The following SHANK2 variants were observed in gnomAD, a reference collection of about 807,000 sequenced individuals.
SHANK2 encodes the protein SH3 and multiple ankyrin repeat domains 2.
SHANK2 carries 43 observed loss-of-function variants against 133.7 expected under a neutral mutation model. The observed-to-expected ratio is 0.32, with a 90% confidence interval of 0.25 to 0.41. The LOEUF (loss-of-function observed/expected upper bound fraction) is 0.41, where lower values mean the gene tolerates loss of function less well. Ranked by LOEUF, SHANK2 falls within the 10% of genes least tolerant of loss-of-function variation. SHANK2 has a pLI of 1.00. For missense variants in SHANK2, 1,994 were observed against 2,235.8 expected, an observed-to-expected ratio of 0.89 and a Z score of 2.18; for synonymous variants, 1,017 against 952.8, an observed-to-expected ratio of 1.07 and a Z score of -1.24.
chr11:70,489,503 G>T, intron 23 of SHANK2, 155 bp from the exon 24 acceptor site: 2 of 769,644 alleles, frequency 2.6e-6, no homozygotes, highest in Non-Finnish European at 4.7e-6. Flanking sequence ...ATCCACCTGA[G>T]ACTCACAAGC....
At chr11:70,631,298 A>C (rs368284290) in intron 17 of SHANK2, 7 of 151,478 alleles carry the variant, frequency 4.6e-5, no homozygotes, top group African/African-American at 1.7e-4. Flanking sequence ...ACAACTTAGA[A>C]TTGTACAAGT....
chr11:71,059,808 C>T (rs954627653), intron 9 of SHANK2, among the ~76,000 whole-genome samples: 4 of 152,200 alleles, frequency 2.6e-5, no homozygotes, highest in Non-Finnish European at 4.4e-5. Flanking sequence ...CCTGGGGCCT[C>T]GGTGACTGTG....
intron 14 of SHANK2, among the ~76,000 whole-genome samples, chr11:70,797,564 C>T (rs1453474915): frequency 6.6e-6 from 1 of 152,144 alleles, no homozygotes; most frequent in Non-Finnish European, 1.5e-5. Context: ...GCCTGGCTGG[C>T]CCTGGCAGAT....
At chr11:71,133,233 GATGA>G (rs1226250314) in intron 3 of SHANK2, among the ~76,000 whole-genome samples, 31 of 143,232 alleles carry the variant, frequency 2.2e-4, no homozygotes, top group Admixed American at 1.8e-3. Flanking sequence ...TGGATGCACA[GATGA>G]ATGGATGGAT....
At chr11:71,137,162 C>T (rs1402073979) in intron 3 of SHANK2, among the ~76,000 whole-genome samples, 1 of 151,844 alleles carries the variant, frequency 6.6e-6, no homozygotes, top group Non-Finnish European at 1.5e-5. Flanking sequence ...TGTGCATAGC[C>T]CTGAATTGTA....
chr11:71,181,192 C>T (rs543359210), intron 2 of SHANK2, among the ~76,000 whole-genome samples: 43 of 152,040 alleles, frequency 2.8e-4, no homozygotes, highest in Non-Finnish European at 4.7e-4. Context: ...AGGTTCCTCC[C>T]GCTGAGCTGA....
chr11:71,101,472 T>C (rs1409192260), intron 6 of SHANK2, among the ~76,000 whole-genome samples: 1 of 152,228 alleles, frequency 6.6e-6, no homozygotes, highest in African/African-American at 2.4e-5. Context: ...CCAAAGGCAC[T>C]GGTAGCAAAG....
At chr11:71,194,746 T>C (rs1953864207) in intron 2 of SHANK2, among the ~76,000 whole-genome samples, 1 of 152,126 alleles carries the variant, frequency 6.6e-6, no homozygotes, top group Admixed American at 6.5e-5. Flanking sequence ...AAAGTATACT[T>C]GACAGAATAA....
intron 15 of SHANK2, among the ~76,000 whole-genome samples, chr11:70,684,407 T>A (rs1451136993): frequency 1.3e-5 from 2 of 152,002 alleles, no homozygotes; most frequent in African/African-American, 4.8e-5. Flanking sequence ...CACACAAGAT[T>A]AGCCAGGTGT....
chr11:70,792,394 GCCAA>G (rs57783483), intron 14 of SHANK2, among the ~76,000 whole-genome samples: 60,561 of 143,854 alleles, frequency 0.42, 12,875 homozygotes, highest in African/African-American at 0.48. Context: ...CAGCCAACCA[GCCAA>G]CCAACCAACC....
intron 15 of SHANK2, chr11:70,698,107 G>A (rs1214358356): frequency 6.4e-6 from 1 of 157,436 alleles, no homozygotes; most frequent in Non-Finnish European, 1.4e-5. Flanking sequence ...CACAGGTGTG[G>A]TTTCTGCAGA....
intron 10 of SHANK2, among the ~76,000 whole-genome samples, chr11:70,936,666 C>T (rs572448727): frequency 2.0e-5 from 3 of 152,316 alleles, no homozygotes; most frequent in African/African-American, 7.2e-5. Flanking sequence ...ATGTTAGCAA[C>T]CAAAAGCCAG....
At chr11:71,185,410 C>T (rs886544320) in intron 2 of SHANK2, among the ~76,000 whole-genome samples, 1 of 152,226 alleles carries the variant, frequency 6.6e-6, no homozygotes, top group South Asian at 2.1e-4. Flanking sequence ...AGGAAGGAAT[C>T]ATCTCCTCTT....
At chr11:71,144,083 A>T (rs1555106281) in intron 3 of SHANK2, among the ~76,000 whole-genome samples, 1 of 152,104 alleles carries the variant, frequency 6.6e-6, no homozygotes, top group Non-Finnish European at 1.5e-5. Context: ...GATGGCAGTG[A>T]CCCCGGCAAG....
intron 11 of SHANK2, among the ~76,000 whole-genome samples, chr11:70,827,342 G>A (rs1948658565): frequency 6.6e-6 from 1 of 150,964 alleles, no homozygotes; most frequent in African/African-American, 2.4e-5. Flanking sequence ...ATTCCAGGCA[G>A]CTGATAAAAG....
chr11:70,585,572 C>T (rs1051968165), intron 17 of SHANK2, among the ~76,000 whole-genome samples: 14 of 152,108 alleles, frequency 9.2e-5, no homozygotes, highest in African/African-American at 2.4e-4. Flanking sequence ...TCCATCCACC[C>T]GCCCACCCAC....
intron 2 of SHANK2, among the ~76,000 whole-genome samples, chr11:71,161,615 T>C (rs544902394): frequency 1.3e-5 from 2 of 152,308 alleles, no homozygotes; most frequent in African/African-American, 4.8e-5. Context: ...TTTCAACCAA[T>C]TGCCAATCAG....
In SHANK2 at chr11:71,086,218, T is replaced by C. The variant is rs1277425047; in HGVS notation, c.912+6204A>G. Among the ~76,000 whole-genome samples the C allele has an allele frequency of 8.8e-4, 76 of 86,198 alleles. 4 individuals are homozygous for C. The highest frequency in any genetic ancestry group is 1.7e-3 in the African/African-American group (34 of 19,546). 56.5% of individuals were successfully genotyped at this position (86,198 alleles called of 152,430 possible). On this transcript the variant is annotated intron_variant, in intron 8 of 25. Transcript: ENST00000601538. ...TTAAATTATATAATATATTATGTTA[T>C]ATAATATATTAAATTATATAATATA...
At chr11:71,057,728 T>C (rs1258643077) in intron 9 of SHANK2, among the ~76,000 whole-genome samples, 1 of 151,512 alleles carries the variant, frequency 6.6e-6, no homozygotes, top group African/African-American at 2.4e-5. Flanking sequence ...TTTTTTTTTT[T>C]TGGAGAGCCA....
Sources: allele counts gnomAD v4.1 joint callset (sites outside exome capture counted in the v4.1 genomes callset), GRCh38; gene constraint gnomAD v4.1.1; transcripts MANE v1.5; gene names NCBI Gene and HGNC (gene_info 2026-07-23, HGNC 2026-07-21).